The following ACSS1 variants were observed in gnomAD, a reference collection of about 807,000 sequenced individuals.
ACSS1 encodes the protein acetyl-coenzyme A synthetase 2-like, mitochondrial.
A neutral mutation model predicts 75.3 loss-of-function variants in ACSS1; 42 were observed. The observed-to-expected ratio is 0.56, with a 90% CI of 0.44 to 0.72. ACSS1 has a LOEUF of 0.72. ACSS1 is among the 30% of genes least tolerant of loss of function. The pLI is 0.00. For missense variants in ACSS1, 782 were observed against 935.7 expected, an observed-to-expected ratio of 0.84 and a Z score of 2.14; for synonymous variants, 380 against 376.8, an observed-to-expected ratio of 1.01 and a Z score of -0.10.
chr20:25,025,148 G>A (rs771887604), intron 3 of ACSS1, among the ~76,000 whole-genome samples: 5 of 152,218 alleles, frequency 3.3e-5, no homozygotes, highest in Non-Finnish European at 7.3e-5. Context: ...AAGCTCTCAC[G>A]ATACAATGAC....
chr20:25,048,310 C>CTCA, intron 1 of ACSS1, 129 bp from the exon 2 acceptor site: 1 of 685,216 alleles, frequency 1.5e-6, no homozygotes, highest in Non-Finnish European at 2.5e-6. Flanking sequence ...AGACCCTGTC[C>CTCA]TCATCAGTGA....
intron 2 of ACSS1, chr20:25,032,272 T>C: frequency 1.8e-6 from 2 of 1,110,588 alleles, no homozygotes; most frequent in Non-Finnish European, 2.3e-6. Flanking sequence ...GGCAAGCTGA[T>C]TGGCTCAGGG....
rs779475704 is a variant in ACSS1 at position 25,015,184 on chromosome 20, C to G, written c.1293G>C (p.Val431=). The G allele has an allele frequency of 8.1e-6, 13 of 1,613,194 alleles. No homozygotes were observed. In the Admixed American group the frequency reaches 1.3e-4, roughly 17 times the overall value. ...CCAGCGTGCACCTGCTGTCCCCCAC[C>G]ACCCTGTGAAGCCACTCCCAGGCCT... The part of the protein sequence containing the change: ...NCEAWEWLHR[V]VGDSRCTLVD... The change falls in exon 8 of 14, where the codon GTG becomes GTC. Residue 431 remains valine (V), a synonymous_variant. Transcript: ENST00000323482.
chr20:25,042,421 G>A (rs972269933), intron 2 of ACSS1, among the ~76,000 whole-genome samples: 1 of 152,092 alleles, frequency 6.6e-6, no homozygotes, highest in African/African-American at 2.4e-5. Flanking sequence ...TCTCAGGTGG[G>A]GCAGCTAGGC....
At chr20:25,026,702 T>C (rs1169339111) in intron 3 of ACSS1, among the ~76,000 whole-genome samples, 1 of 152,218 alleles carries the variant, frequency 6.6e-6, no homozygotes, top group African/African-American at 2.4e-5. Context: ...GACACAGCAA[T>C]AGAAAACCAA....
At position 25,021,533 on chromosome 20, in the gene ACSS1, C is replaced by T. The variant is rs1179689221; in HGVS notation, c.964G>A (p.Val322Met). 6.2e-7 allele frequency: 1 copy of T among 1,613,570 alleles called. No homozygotes were observed. The highest frequency in any genetic ancestry group is 8.5e-7 in the Non-Finnish European group (1 of 1,179,770). The change falls in exon 6 of 14, where the codon GTG (valine) becomes ATG (methionine). Residue 322 changes from valine to methionine, a missense_variant. Transcript: ENST00000323482. Reference protein sequence around the residue: ...LLYAALTHKLVFDHQPGDIFG... With the variant: ...LLYAALTHKLMFDHQPGDIFG... ...ATGTCACCTGGCTGGTGGTCAAACA[C>T]AAGCTGCAGAGACAGGAAAGGAGCA...
rs953890673 is a variant in ACSS1, at chr20:25,057,926, G to T, written c.177C>A (p.Pro59=). 6.2e-7 allele frequency: 1 copy of T among 1,610,116 alleles called. No homozygotes were observed. Residue 59 remains proline (P), a synonymous_variant, in exon 1 of 14, where the codon CCC becomes CCA. Coordinates refer to ENST00000323482, the MANE Select transcript of ACSS1 (RefSeq NM_032501.4). ...AAAAAQPGSY[P]ALSAQAAREP... Reference sequence around the variant, plus strand: ...CCCGGGCTGCCTGTGCACTCAGCGCGGGATACGAGCCTGGCTGTGCTGCTG... The same window carrying T: ...CCCGGGCTGCCTGTGCACTCAGCGCTGGATACGAGCCTGGCTGTGCTGCTG...
chr20:25,008,034 G>T (rs1259128282), intron 13 of ACSS1, 93 bp from the exon 14 acceptor site: 3 of 1,455,376 alleles, frequency 2.1e-6, no homozygotes, highest in Non-Finnish European at 2.8e-6. Context: ...CTCTGCTCAG[G>T]GGGGATGCCC....
intron 2 of ACSS1, among the ~76,000 whole-genome samples, chr20:25,039,286 G>A (rs1232657773): frequency 6.6e-6 from 1 of 152,188 alleles, no homozygotes; most frequent in Non-Finnish European, 1.5e-5. Context: ...AGCTCCAGGG[G>A]CCTTGCTGTC....
chr20:25,021,963 C>T (rs776360856), intron 5 of ACSS1, among the ~76,000 whole-genome samples: 1 of 152,128 alleles, frequency 6.6e-6, no homozygotes, highest in Non-Finnish European at 1.5e-5. Context: ...ACAGGCACAA[C>T]CCAGACCAAA....
rs754955594 is a variant in ACSS1 at position 25,020,122 on chromosome 20, CCT to C, written c.1132_1133del (p.Arg378ValfsTer21). 1 of 1,614,246 alleles carries C rather than the reference CCT, an allele frequency of 6.2e-7. No homozygotes were observed. Among genetic ancestry groups the C allele is most frequent in the East Asian group, 2.2e-5 (1 of 44,886 alleles). On this transcript the variant is annotated frameshift_variant, in exon 7 of 14. Transcript: ENST00000323482. LOFTEE classifies it high-confidence loss of function. Reference protein sequence around the residue: ...NAGRYWETVERLKINQFYGAP... With the variant: ...NAGRYWETVEXLKINQFYGAP... ...CGCCATAGAACTGATTGATCTTCAA[CCT>C]CTCTACTGTCTCCCAGTACCGACCT...
intron 2 of ACSS1, among the ~76,000 whole-genome samples, chr20:25,040,051 C>T (rs1160563177): frequency 6.6e-6 from 1 of 152,180 alleles, no homozygotes; most frequent in Non-Finnish European, 1.5e-5. Context: ...GACTTGTTTA[C>T]CTCCTGGGAG....
chr20:25,036,438 AC>A (rs1465115840), intron 2 of ACSS1, among the ~76,000 whole-genome samples: 1 of 75,914 alleles, frequency 1.3e-5, no homozygotes. Flanking sequence ...CCTGCCCCCC[AC>A]CCCCCGCCTC....
intron 3 of ACSS1, among the ~76,000 whole-genome samples, chr20:25,024,468 G>A (rs1437197522): frequency 6.6e-6 from 1 of 152,232 alleles, no homozygotes; most frequent in Non-Finnish European, 1.5e-5. Flanking sequence ...ATGCCCAGCT[G>A]TGACCCTGAC....
intron 7 of ACSS1, 66 bp downstream of exon 7, chr20:25,019,944 A>C: frequency 1.2e-6 from 2 of 1,602,506 alleles, no homozygotes; most frequent in South Asian, 2.2e-5. Flanking sequence ...GTCCTGCTGA[A>C]GCCCGTATTG....
intron 1 of ACSS1, among the ~76,000 whole-genome samples, chr20:25,056,233 T>C (rs1416867755): frequency 6.6e-6 from 1 of 152,208 alleles, no homozygotes; most frequent in African/African-American, 2.4e-5. Flanking sequence ...CCCCATGACC[T>C]TGGCCTCACA....
At chr20:25,054,621 A>G (rs1283144636) in intron 1 of ACSS1, among the ~76,000 whole-genome samples, 2 of 152,236 alleles carry the variant, frequency 1.3e-5, no homozygotes, top group African/African-American at 4.8e-5. Context: ...AAGCCCCAGG[A>G]GGTGCTTTGG....
chr20:25,011,877 G>A (rs1221625015), intron 12 of ACSS1: 1 of 152,516 alleles, frequency 6.6e-6, no homozygotes, highest in African/African-American at 2.4e-5. Flanking sequence ...CACTGGGCAG[G>A]GCAGGAGAAG....
intron 9 of ACSS1, 134 bp from the exon 10 acceptor site, chr20:25,013,796 T>A: frequency 7.3e-7 from 1 of 1,369,394 alleles, no homozygotes; most frequent in Non-Finnish European, 9.8e-7. Context: ...CCAAGCCACC[T>A]GTGTGGCCAC....
Sources: allele counts gnomAD v4.1 joint callset (sites outside exome capture counted in the v4.1 genomes callset), GRCh38; gene constraint gnomAD v4.1.1; transcripts MANE v1.5; gene names NCBI Gene and HGNC (gene_info 2026-07-23, HGNC 2026-07-21).